Variants in IL1RAPL2 observed in about 807,000 individuals in gnomAD.
IL1RAPL2 encodes interleukin 1 receptor accessory protein like 2.
A neutral mutation model predicts 44.1 loss-of-function variants in IL1RAPL2; 3 were observed. The ratio of observed to expected loss-of-function variants is 0.07; its 90% CI spans 0.03 to 0.18. IL1RAPL2 has a LOEUF of 0.18. IL1RAPL2 is among the 10% of genes least tolerant of loss of function. IL1RAPL2 has a pLI of 1.00. For synonymous variants in IL1RAPL2, 181 were observed against 178.8 expected (o/e 1.01, Z -0.10); for missense variants, 391 against 496.4 (o/e 0.79, Z 2.02).
chrX:104,979,201 G>A (rs2030392497), intron 2 of IL1RAPL2, among the ~76,000 whole-genome samples: 1 of 110,991 alleles, frequency 9.0e-6, no homozygotes, highest in African/African-American at 3.3e-5. Flanking sequence ...TAATTAAAGG[G>A]CCATATTAAA....
chrX:105,053,759 A>G (rs2031957392), intron 2 of IL1RAPL2, among the ~76,000 whole-genome samples: 1 of 112,322 alleles, frequency 8.9e-6, no homozygotes, highest in East Asian at 2.8e-4. Context: ...TGGTCAAAAA[A>G]ACATCAACAA....
At chrX:105,385,683 T>TA (rs758927071) in intron 5 of IL1RAPL2, among the ~76,000 whole-genome samples, 23 of 110,943 alleles carry the variant, frequency 2.1e-4, no homozygotes, top group African/African-American at 5.2e-4. Flanking sequence ...GCAGTGACAT[T>TA]AAAAAAAATC....
intron 2 of IL1RAPL2, among the ~76,000 whole-genome samples, chrX:104,872,956 A>G (rs1368325430): frequency 8.9e-6 from 1 of 111,754 alleles, no homozygotes; most frequent in Non-Finnish European, 1.9e-5. Context: ...ACATCCAAGC[A>G]ACCAGAGATA....
At chrX:104,973,924 AT>A (rs2030284232) in intron 2 of IL1RAPL2, among the ~76,000 whole-genome samples, 1 of 112,070 alleles carries the variant, frequency 8.9e-6, no homozygotes, top group Non-Finnish European at 1.9e-5. Flanking sequence ...TGTCAATAGC[AT>A]TTTTTATATC....
chrX:105,714,734 C>G (rs757909056), intron 6 of IL1RAPL2, among the ~76,000 whole-genome samples: 1 of 111,978 alleles, frequency 8.9e-6, no homozygotes, highest in Non-Finnish European at 1.9e-5. Context: ...TAATTATCTT[C>G]CAAAGGTCTT....
intron 2 of IL1RAPL2, among the ~76,000 whole-genome samples, chrX:105,014,702 T>C (rs1341269011): frequency 8.9e-6 from 1 of 112,614 alleles, no homozygotes; most frequent in African/African-American, 3.2e-5. Flanking sequence ...ATTTTCTTTA[T>C]CCAGTCTATC....
intron 2 of IL1RAPL2, among the ~76,000 whole-genome samples, chrX:105,095,774 TTTGA>T (rs1260013194): frequency 8.9e-6 from 1 of 112,145 alleles, no homozygotes; most frequent in Non-Finnish European, 1.9e-5. Context: ...CTTTGTGATC[TTTGA>T]TTGGACAATG....
chrX:105,548,205 T>G (rs2036821252), intron 6 of IL1RAPL2, among the ~76,000 whole-genome samples: 1 of 111,542 alleles, frequency 9.0e-6, no homozygotes. Context: ...CATAATTTAC[T>G]GTAGGGAGAC....
intron 5 of IL1RAPL2, among the ~76,000 whole-genome samples, chrX:105,434,378 C>T (rs957292750): frequency 1.3e-4 from 15 of 111,842 alleles, no homozygotes; most frequent in African/African-American, 4.9e-4. Flanking sequence ...AATGAAAACT[C>T]ACATTTGCGT....
intron 2 of IL1RAPL2, among the ~76,000 whole-genome samples, chrX:105,108,473 G>A (rs892383768): frequency 1.9e-5 from 2 of 105,660 alleles, no homozygotes; most frequent in African/African-American, 6.9e-5. Context: ...TGGGACTACA[G>A]GCCTGTGCTA....
At chrX:104,887,152 A>G (rs973666008) in intron 2 of IL1RAPL2, among the ~76,000 whole-genome samples, 3 of 112,296 alleles carry the variant, frequency 2.7e-5, no homozygotes, top group East Asian at 5.6e-4. Context: ...TTTGCCAACT[A>G]TGGATCCCCA....
At chrX:104,929,694 C>T (rs1320537927) in intron 2 of IL1RAPL2, among the ~76,000 whole-genome samples, 1 of 111,913 alleles carries the variant, frequency 8.9e-6, no homozygotes, top group Non-Finnish European at 1.9e-5. Context: ...GCACACCTGA[C>T]ATCTTCATTA....
At chrX:104,861,318 T>C (rs940412570) in intron 2 of IL1RAPL2, among the ~76,000 whole-genome samples, 1 of 112,022 alleles carries the variant, frequency 8.9e-6, no homozygotes, top group African/African-American at 3.2e-5. Flanking sequence ...ATGCCCACTA[T>C]GTGGCCAGGC....
At chrX:104,698,764 T>C (rs1931222175) in intron 2 of IL1RAPL2, among the ~76,000 whole-genome samples, 1 of 111,858 alleles carries the variant, frequency 8.9e-6, no homozygotes, top group African/African-American at 3.3e-5. Flanking sequence ...TTGATTTCTA[T>C]GGCTTATTCA....
chrX:105,506,304 C>T (rs897146335), intron 6 of IL1RAPL2, among the ~76,000 whole-genome samples: 2 of 111,503 alleles, frequency 1.8e-5, no homozygotes, highest in African/African-American at 6.5e-5. Flanking sequence ...TCTTGCTGCA[C>T]ATGATTTTGA....
chrX:104,767,612 T>G (rs1166803331), intron 2 of IL1RAPL2, among the ~76,000 whole-genome samples: 1 of 111,897 alleles, frequency 8.9e-6, no homozygotes, highest in Non-Finnish European at 1.9e-5. Context: ...GAGTGAAACT[T>G]CAGATAACAC....
Position 105,551,974 on chromosome X carries a change from C to G in IL1RAPL2, c.772+67587C>G, listed in dbSNP as rs954010710. 2.7e-4 allele frequency among the ~76,000 whole-genome samples: 30 copies of G among 110,201 alleles called. No individual in the cohort carries two copies. In the Admixed American group the frequency reaches 2.8e-3, roughly 10 times the overall value. ...CAAAAAAATTAGCTGGGCGTGGTGG[C>G]GGGCGCCTGCAGTCCCAGCTACTCG... On this transcript the variant is annotated intron_variant, in intron 6 of 10. Transcript: ENST00000372582.
chrX:104,987,853 G>A (rs1268317843), intron 2 of IL1RAPL2, among the ~76,000 whole-genome samples: 1 of 111,606 alleles, frequency 9.0e-6, no homozygotes, highest in Non-Finnish European at 1.9e-5. Context: ...TGTCTCCCCA[G>A]GCAAGAGGTA....
intron 2 of IL1RAPL2, among the ~76,000 whole-genome samples, chrX:104,792,941 G>A (rs1380306049): frequency 4.5e-5 from 5 of 111,953 alleles, no homozygotes; most frequent in South Asian, 3.8e-4. Flanking sequence ...TTACTAAGCT[G>A]TCTTGTATTA....
Sources: gnomAD v4.1 joint callset for allele counts (sites outside exome capture counted in the v4.1 genomes callset) on GRCh38, gnomAD v4.1.1 for gene constraint, MANE v1.5 for transcripts, NCBI Gene and HGNC (gene_info 2026-07-23, HGNC 2026-07-21) for gene names.